Variants in PRP4K observed in about 807,000 individuals in gnomAD.
PRP4K encodes serine/threonine-protein kinase PRP4 homolog.
the PRP4K span, among the ~76,000 whole-genome samples, chr6:4,045,518 G>A: frequency 6.6e-6 from 1 of 152,192 alleles, no homozygotes; most frequent in South Asian, 2.1e-4. Flanking sequence ...ACTGGACAAA[G>A]TTAGGAAGTA....
chr6:4,032,655 A>G, the PRP4K span: 4 of 1,613,940 alleles, frequency 2.5e-6, no homozygotes, highest in South Asian at 3.3e-5. Flanking sequence ...TAAGCAGAGC[A>G]AATCCCCCTC....
the PRP4K span, chr6:4,048,912 G>A: frequency 1.6e-6 from 1 of 632,668 alleles, no homozygotes; most frequent in Non-Finnish European, 2.6e-6. Context: ...GGAATAAAAT[G>A]CTTTTATTAA....
At chr6:4,025,512 A>G in the PRP4K span, among the ~76,000 whole-genome samples, 2 of 152,216 alleles carry the variant, frequency 1.3e-5, no homozygotes, top group South Asian at 2.1e-4. Flanking sequence ...AGAAAATGCT[A>G]TAATTAAGGT....
At chr6:4,031,638 AGTC>A in the PRP4K span, 3 of 1,602,176 alleles carry the variant, frequency 1.9e-6, no homozygotes, top group African/African-American at 1.4e-5. Context: ...AAATAAGCAC[AGTC>A]GTCACAAAAA....
the PRP4K span, among the ~76,000 whole-genome samples, chr6:4,048,767 G>T: frequency 6.6e-6 from 1 of 151,506 alleles, no homozygotes; most frequent in African/African-American, 2.4e-5. Context: ...AGTAGAGAAG[G>T]GGTGTCACTG....
chr6:4,062,232 A>ACAGG, the PRP4K span: 1 of 152,660 alleles, frequency 6.6e-6, no homozygotes, highest in African/African-American at 2.4e-5. The surrounding 1 kb of genome is among the most constrained non-coding windows in gnomAD (Gnocchi z 4.2). Context: ...AAAACGGGGC[A>ACAGG]CAGGCCATTC....
At chr6:4,026,082 A>G in the PRP4K span, among the ~76,000 whole-genome samples, 1 of 151,804 alleles carries the variant, frequency 6.6e-6, no homozygotes, top group Non-Finnish European at 1.5e-5. Context: ...GCTCACCACA[A>G]CCTCCGCCTC....
At chr6:4,052,583 A>AGGACTTCACCT in the PRP4K span, 2 of 632,566 alleles carry the variant, frequency 3.2e-6, no homozygotes, top group South Asian at 4.6e-5. Flanking sequence ...TGATTTATCA[A>AGGACTTCACCT]ATGTGGGGGT....
chr6:4,025,767 G>A, the PRP4K span, among the ~76,000 whole-genome samples: 1 of 152,084 alleles, frequency 6.6e-6, no homozygotes, highest in Admixed American at 6.5e-5. Context: ...TAAGATTTTT[G>A]TAAATTGTTA....
the PRP4K span, among the ~76,000 whole-genome samples, chr6:4,042,321 A>G: frequency 3.3e-5 from 5 of 152,234 alleles, no homozygotes; most frequent in East Asian, 7.7e-4. Context: ...TTACTTCCCC[A>G]CATTCCAAAC....
the PRP4K span, chr6:4,040,912 C>G: frequency 6.2e-7 from 1 of 1,613,126 alleles, no homozygotes; most frequent in Non-Finnish European, 8.5e-7. Context: ...GAGCAGGAAT[C>G]TTCGTCTGAT....
the PRP4K span, chr6:4,037,447 C>T: frequency 6.2e-6 from 10 of 1,613,782 alleles, no homozygotes; most frequent in African/African-American, 1.3e-4. Flanking sequence ...TCAAAAGATG[C>T]CAGCCCCATC....
the PRP4K span, among the ~76,000 whole-genome samples, chr6:4,038,755 C>T: frequency 6.6e-6 from 1 of 152,020 alleles, no homozygotes; most frequent in Non-Finnish European, 1.5e-5. Flanking sequence ...CCAAGCTGAT[C>T]TCAAGACTTG....
the PRP4K span, among the ~76,000 whole-genome samples, chr6:4,030,584 T>G: frequency 1.3e-5 from 2 of 152,230 alleles, no homozygotes; most frequent in Non-Finnish European, 2.9e-5. Context: ...GACAACGTAA[T>G]TTAGAATCAT....
the PRP4K span, among the ~76,000 whole-genome samples, chr6:4,034,559 G>A: frequency 6.6e-6 from 1 of 152,056 alleles, no homozygotes; most frequent in Non-Finnish European, 1.5e-5. Flanking sequence ...ACTGTATTAG[G>A]AAAGTTTAGG....
At chr6:4,049,593 A>G in the PRP4K span, 1 of 806,144 alleles carries the variant, frequency 1.2e-6, no homozygotes, top group Non-Finnish European at 2.0e-6. Context: ...CAGTGGAGGC[A>G]TGGCTTTGAT....
At chr6:4,062,354 C>G in the PRP4K span, 1 of 152,436 alleles carries the variant, frequency 6.6e-6, no homozygotes, top group Non-Finnish European at 1.5e-5. This position sits in a 1 kb window ranked among gnomAD's most constrained non-coding sequence, Gnocchi z 4.2. Flanking sequence ...AAGACAAAAT[C>G]GTTTAAATCA....
the PRP4K span, chr6:4,032,035 T>C: frequency 3.4e-5 from 55 of 1,613,946 alleles, 1 homozygote; most frequent in East Asian, 3.6e-4. Flanking sequence ...AAACTTGAAC[T>C]TGTGGACAAT....
the PRP4K span, chr6:4,037,579 A>G: frequency 6.2e-7 from 1 of 1,607,330 alleles, no homozygotes. Flanking sequence ...AGGTAAAGAC[A>G]TTTCATCCTT....
Sources: allele counts gnomAD v4.1 joint callset (sites outside exome capture counted in the v4.1 genomes callset), GRCh38; gene constraint gnomAD v4.1.1; non-coding constraint Gnocchi (gnomAD v3.1); transcripts MANE v1.5; gene names NCBI Gene and HGNC (gene_info 2026-07-23, HGNC 2026-07-21).